CDIN1: variants seen among roughly 807,000 people sequenced by gnomAD.
CDIN1 encodes the protein CDAN1-interacting nuclease 1.
Under a neutral mutation model 45.3 loss-of-function variants are expected in CDIN1, and 33 were observed. The observed-to-expected ratio is 0.73, with a 90% confidence interval of 0.55 to 0.97. CDIN1 has a LOEUF of 0.97. CDIN1 is among the 50% of genes least tolerant of loss of function. CDIN1 has a pLI of 0.00. For synonymous variants in CDIN1, 118 were observed against 124.4 expected (o/e 0.95, Z 0.34); for missense variants, 303 against 339.4 (o/e 0.89, Z 0.84).
At chr15:36,718,193 G>T (rs1054795261) in intron 10 of CDIN1, among the ~76,000 whole-genome samples, 2 of 151,962 alleles carry the variant, frequency 1.3e-5, no homozygotes, top group Non-Finnish European at 2.9e-5. Context: ...ATACGTGTGG[G>T]CCTGTTTCTG....
At chr15:36,733,306 A>AT (rs984850399) in intron 10 of CDIN1, among the ~76,000 whole-genome samples, 6 of 151,934 alleles carry the variant, frequency 3.9e-5, no homozygotes, top group African/African-American at 7.2e-5. Flanking sequence ...TAAAATCTTG[A>AT]TTTTTTTGTA....
chr15:36,729,894 C>T (rs1473718754), intron 10 of CDIN1, among the ~76,000 whole-genome samples: 1 of 152,140 alleles, frequency 6.6e-6, no homozygotes, highest in Admixed American at 6.5e-5. Flanking sequence ...AGTACCCAGG[C>T]TCCTGTTGGT....
intron 5 of CDIN1, among the ~76,000 whole-genome samples, chr15:36,685,818 A>C (rs2042021463): frequency 6.6e-6 from 1 of 152,266 alleles, no homozygotes; most frequent in South Asian, 2.1e-4. Flanking sequence ...AATGCTCATC[A>C]TCACTGGCCA....
At chr15:36,690,572 A>G (rs1261475027) in intron 5 of CDIN1, among the ~76,000 whole-genome samples, 1 of 152,100 alleles carries the variant, frequency 6.6e-6, no homozygotes, top group Non-Finnish European at 1.5e-5. Context: ...CTGGCCACTA[A>G]CATTTATCTT....
chr15:36,653,241 C>T (rs2040643122), intron 3 of CDIN1, among the ~76,000 whole-genome samples: 1 of 151,866 alleles, frequency 6.6e-6, no homozygotes, highest in Non-Finnish European at 1.5e-5. Flanking sequence ...GGTAGTGGAT[C>T]GAAGAAGGTG....
intron 10 of CDIN1, among the ~76,000 whole-genome samples, chr15:36,764,054 G>C (rs950394063): frequency 6.6e-6 from 1 of 152,148 alleles, no homozygotes; most frequent in African/African-American, 2.4e-5. Context: ...AAGATTGGGG[G>C]TGGAGGAGGG....
intron 1 of CDIN1, among the ~76,000 whole-genome samples, chr15:36,611,323 G>A (rs2140273922): frequency 6.6e-6 from 1 of 152,260 alleles, no homozygotes; most frequent in East Asian, 1.9e-4. Flanking sequence ...GCTGAGTCCT[G>A]TGCTACATAC....
chr15:36,760,989 C>T (rs2140997196), intron 10 of CDIN1, among the ~76,000 whole-genome samples: 1 of 152,316 alleles, frequency 6.6e-6, no homozygotes, highest in Middle Eastern at 3.4e-3. Flanking sequence ...TTTACACTCT[C>T]ATTGTTACTT....
intron 10 of CDIN1, among the ~76,000 whole-genome samples, chr15:36,720,052 C>G (rs1029062147): frequency 1.1e-5 from 1 of 94,332 alleles, no homozygotes; most frequent in Non-Finnish European, 2.1e-5. Context: ...TCTAAACGAA[C>G]CATTTTTTTA....
chr15:36,717,982 A>C (rs2043272469), intron 10 of CDIN1, among the ~76,000 whole-genome samples: 1 of 151,890 alleles, frequency 6.6e-6, no homozygotes, highest in Non-Finnish European at 1.5e-5. Flanking sequence ...TTCTTGGAAA[A>C]GTTTCTCTTG....
chr15:36,765,974 T>A (rs1566959511), intron 10 of CDIN1, among the ~76,000 whole-genome samples: 1 of 152,202 alleles, frequency 6.6e-6, no homozygotes, highest in East Asian at 1.9e-4. Context: ...ACCATATTGC[T>A]AACTATAGGT....
At chr15:36,672,141 C>G (rs1209261151) in intron 5 of CDIN1, among the ~76,000 whole-genome samples, 1 of 147,668 alleles carries the variant, frequency 6.8e-6, no homozygotes. Flanking sequence ...TAGAATTTCA[C>G]TTAGCATTTT....
At chr15:36,662,181 G>C (rs2041041587) in intron 5 of CDIN1, among the ~76,000 whole-genome samples, 1 of 152,144 alleles carries the variant, frequency 6.6e-6, no homozygotes, top group African/African-American at 2.4e-5. Flanking sequence ...CTGGCTTTGG[G>C]ATAGACCGAG....
At chr15:36,607,458 A>G (rs1449411751) in intron 1 of CDIN1, among the ~76,000 whole-genome samples, 1 of 152,162 alleles carries the variant, frequency 6.6e-6, no homozygotes, top group African/African-American at 2.4e-5. Context: ...TTCTGATACA[A>G]TATGTAAAAT....
rs139779228 is a variant in CDIN1 at position 36,758,993 on chromosome 15, G to A, written c.716+49032G>A. On this transcript the variant is annotated intron_variant, in intron 10 of 10. Coordinates refer to ENST00000566621, the MANE Select transcript of CDIN1 (RefSeq NM_001321759.2). ...TTTGCATTTCTCTGGGGGTGAGAGTGGTTGGGATAGGGAGTTCCTCTTATG... is the reference window on the plus strand; with the variant it reads ...TTTGCATTTCTCTGGGGGTGAGAGTAGTTGGGATAGGGAGTTCCTCTTATG... 1.8e-3 allele frequency among the ~76,000 whole-genome samples: 280 copies of A among 152,252 alleles called. 1 individual carries two copies. The highest frequency in any genetic ancestry group is 6.3e-3 in the African/African-American group (263 of 41,544).
At chr15:36,724,308 G>C (rs2043541288) in intron 10 of CDIN1, among the ~76,000 whole-genome samples, 1 of 152,172 alleles carries the variant, frequency 6.6e-6, no homozygotes, top group South Asian at 2.1e-4. Flanking sequence ...AGTGGAAATG[G>C]AAGGGGACCG....
chr15:36,693,466 T>C (rs1202344750), intron 7 of CDIN1, among the ~76,000 whole-genome samples: 5 of 152,210 alleles, frequency 3.3e-5, no homozygotes, highest in African/African-American at 1.2e-4. Context: ...TGAGAAAGTT[T>C]AGCACATTCA....
rs192284491 is a variant in CDIN1, at chr15:36,749,603, C to T, written c.716+39642C>T. 3.3e-5 allele frequency among the ~76,000 whole-genome samples: 5 copies of T among 152,224 alleles called. No homozygotes were observed. In the East Asian group the frequency reaches 7.7e-4, roughly 23 times the overall value. On this transcript the variant is annotated intron_variant, in intron 10 of 10. Coordinates refer to ENST00000566621, the MANE Select transcript of CDIN1 (RefSeq NM_001321759.2). The stretch of plus-strand genomic sequence containing the variant: ...CTCAGCTGGCTGTCTGCCGCTAGAT[C>T]GGATCTGAACATTAGGAATGGGATG...
Position 36,759,106 on chromosome 15 carries a change from C to T in CDIN1, c.716+49145C>T, listed in dbSNP as rs148626601. Among the ~76,000 whole-genome samples the T allele has an allele frequency of 1.0e-3, 153 of 152,168 alleles. 1 individual carries two copies. The highest frequency in any genetic ancestry group is 3.2e-3 in the African/African-American group (132 of 41,520). ...TTCAGTGTTTGTCCAAGGTTTTCAT[C>T]GAGAGCAGAATAAGCATTCCACCCC... On this transcript the variant is annotated intron_variant, in intron 10 of 10. Transcript: ENST00000566621.
Sources: allele counts gnomAD v4.1 joint callset (sites outside exome capture counted in the v4.1 genomes callset), GRCh38; gene constraint gnomAD v4.1.1; transcripts MANE v1.5; gene names NCBI Gene and HGNC (gene_info 2026-07-23, HGNC 2026-07-21).